DCHS1: variants seen among roughly 807,000 people sequenced by gnomAD.
DCHS1 encodes protocadherin-16.
Under a neutral mutation model 213.9 loss-of-function variants are expected in DCHS1, and 78 were observed. That is an observed-to-expected ratio of 0.36 (90% CI 0.30 to 0.44). The LOEUF (loss-of-function observed/expected upper bound fraction) is 0.44, where lower values mean the gene tolerates loss of function less well. DCHS1 is among the 20% of genes least tolerant of loss of function. The pLI, the probability that DCHS1 is intolerant of heterozygous loss-of-function variation, is 1.00. For missense variants in DCHS1, 3,946 were observed against 4,395.9 expected (o/e 0.90, Z 2.89); for synonymous variants, 1,828 against 1,873.7 (o/e 0.98, Z 0.63).
chr11:6,653,664 G>T (rs1424232795), intron 1 of DCHS1, among the ~76,000 whole-genome samples: 1 of 152,094 alleles, frequency 6.6e-6, no homozygotes, highest in African/African-American at 2.4e-5. Flanking sequence ...TTATAGAAGC[G>T]TCCCCTGGTG....
At position 6,640,049 on chromosome 11, in the gene DCHS1, G is replaced by A. The variant is rs1395801891; in HGVS notation, c.1565C>T (p.Ser522Phe). The A allele has an allele frequency of 2.5e-6, 4 of 1,613,902 alleles. No individual in the cohort carries two copies. The Admixed American group carries it at 6.7e-5, about 27-fold the overall frequency. The change falls in exon 2 of 21, where the codon TCC (serine) becomes TTC (phenylalanine). Residue 522 changes from serine to phenylalanine, a missense_variant. This residue lies in a region of DCHS1 where 3,384 missense variants were observed against 3,780.1 expected (regional missense o/e 0.90). Coordinates refer to ENST00000299441, the MANE Select transcript of DCHS1 (RefSeq NM_003737.4). The surrounding 1 kb of genome is among the most constrained non-coding windows in gnomAD (Gnocchi z 6.5). The stretch of plus-strand genomic sequence containing the variant: ...GATAATGCCTGAGGTGGGGTCAATG[G>A]AGAACCAGTGGGTGTGGGCGCCAGG... ...LAPGAHTHWFSIDPTSGIITT... is the reference protein window; with the variant it reads ...LAPGAHTHWFFIDPTSGIITT...
Position 6,623,048 on chromosome 11 carries a change from T to C in DCHS1, c.8628A>G (p.Ala2876=). 1 of 1,576,704 alleles carries C rather than the reference T, an allele frequency of 6.3e-7. No individual in the cohort carries two copies. The highest frequency in any genetic ancestry group is 8.6e-7 in the Non-Finnish European group (1 of 1,161,590). The change falls in exon 21 of 21, where the codon GCA becomes GCG. Residue 2876 remains alanine, a synonymous_variant. Transcript: ENST00000299441. ...CAGAGGTGGCTGTTCCGCTGCCTGG[T>C]GCCCGACTGTCCACCCGCAGGTACA... ...GALYLRVDSR[A]PGSGTATSGG... is the part of the protein sequence containing the mutation.
At position 6,633,800 on chromosome 11, in the gene DCHS1, T is replaced by G; in HGVS notation, c.2207A>C (p.Asp736Ala). 6.2e-7 allele frequency: 1 copy of G among 1,613,408 alleles called. No homozygotes were observed. Among genetic ancestry groups the G allele is most frequent in the Non-Finnish European group, 8.5e-7 (1 of 1,179,796 alleles). The change falls in exon 4 of 21, where the codon GAT (aspartate) becomes GCT (alanine). Residue 736 changes from aspartate to alanine, a missense_variant. Physicochemically the swap from Asp to Ala is moderately radical, Grantham distance 126. This residue lies in a region of DCHS1 where 3,384 missense variants were observed against 3,780.1 expected (regional missense o/e 0.90). Coordinates refer to ENST00000299441, the MANE Select transcript of DCHS1 (RefSeq NM_003737.4). ...AGNSPPLFTL[D>A]EQSGLLTVAW... ...GGGAGGATCCTCACCTGATTGCTCA[T>G]CCAAGGTAAAAAGTGGGGGGCTGTT... is the stretch of plus-strand genomic sequence containing the variant.
Position 6,641,581 on chromosome 11 carries a change from G to A in DCHS1, c.33C>T (p.Cys11=), listed in dbSNP as rs1462962438. 1.9e-6 allele frequency: 3 copies of A among 1,550,322 alleles called. No individual in the cohort carries two copies. The highest frequency in any genetic ancestry group is 2.6e-6 in the Non-Finnish European group (3 of 1,146,722). ...GGGGCCTGGGGCTCTTCATGCCAGG[G>A]CAGGAAGGCACAATGCCCAGCTCCT... MQKELGIVPS[C]PGMKSPRPHL... Residue 11 remains cysteine, a synonymous_variant, in exon 2 of 21, where the codon TGC becomes TGT. Coordinates refer to ENST00000299441, the MANE Select transcript of DCHS1 (RefSeq NM_003737.4). The surrounding 1 kb of genome is among the most constrained non-coding windows in gnomAD (Gnocchi z 7.1).
rs751175541 is a variant in DCHS1, at chr11:6,632,062, G to A, written c.3450C>T (p.Asp1150=). ...LTYSLQQLSE[D]SKAFRIHPQT... ...GGGGGTGGATGCGGAAGGCCTTGCT[G>A]TCTTCAGACAGCTGTTGCAGGCTGT... Residue 1150 remains aspartate, a synonymous_variant, in exon 6 of 21, where the codon GAC becomes GAT. Coordinates refer to ENST00000299441, the MANE Select transcript of DCHS1 (RefSeq NM_003737.4). This position sits in a 1 kb window ranked among gnomAD's most constrained non-coding sequence, Gnocchi z 5.9. The A allele has an allele frequency of 2.6e-6, 4 of 1,526,802 alleles. No homozygotes were observed. Among genetic ancestry groups the A allele is most frequent in the African/African-American group, 1.4e-5 (1 of 72,558 alleles). The allele number at this position is 1,526,802 out of a possible 1,614,324, so 94.6% of individuals were successfully genotyped here.
rs748550898 is a variant in DCHS1, at chr11:6,632,661, G to A, written c.2851C>T (p.Arg951Trp). 6.6e-5 allele frequency: 104 copies of A among 1,571,164 alleles called. No individual in the cohort carries two copies. Among genetic ancestry groups the A allele is most frequent in the South Asian group, 4.4e-4 (38 of 86,054 alleles). Residue 951 changes from arginine (R) to tryptophan (W), a missense_variant, in exon 6 of 21, where the codon CGG (arginine) becomes TGG (tryptophan). This residue lies in a region of DCHS1 where 3,384 missense variants were observed against 3,780.1 expected (regional missense o/e 0.90). Transcript: ENST00000299441. This position sits in a 1 kb window ranked among gnomAD's most constrained non-coding sequence, Gnocchi z 5.9. ...FTVDPTTGHV[R>W]LMRPLGPSGG... Reference sequence around the variant, plus strand: ...GAGGGCCCCAGAGGCCTCATAAGCCGTACATGGCCTGTGGTGGGGTCCACG... The same window carrying A: ...GAGGGCCCCAGAGGCCTCATAAGCCATACATGGCCTGTGGTGGGGTCCACG...
chr11:6,636,609 G>A (rs927058619), intron 2 of DCHS1, among the ~76,000 whole-genome samples: 2 of 152,088 alleles, frequency 1.3e-5, no homozygotes, highest in African/African-American at 2.4e-5. Flanking sequence ...CGAGTAGCTT[G>A]GATTACAGGG....
At position 6,640,734 on chromosome 11, in the gene DCHS1, T is replaced by C; in HGVS notation, c.880A>G (p.Ile294Val). 5 of 1,613,824 alleles carry C rather than the reference T, an allele frequency of 3.1e-6. No homozygotes were observed. The highest frequency in any genetic ancestry group is 1.1e-5 in the South Asian group (1 of 91,070). The change falls in exon 2 of 21, where the codon ATC becomes GTC. Residue 294 changes from isoleucine (I) to valine (V), a missense_variant. Around this residue, in one of 3 missense-constraint regions of DCHS1, gnomAD observed 3,384 missense variants for 3,780.1 expected, o/e 0.90. Coordinates refer to ENST00000299441, the MANE Select transcript of DCHS1 (RefSeq NM_003737.4). This position sits in a 1 kb window ranked among gnomAD's most constrained non-coding sequence, Gnocchi z 6.5. ...AGVNGAVTYE[I>V]NRRQSEGDGP... ...TCACCCTCGCTCTGCCTCCGGTTGA[T>C]CTCGTAAGTCACAGCCCCATTGACA...
rs1011432227 is a variant in DCHS1, at chr11:6,622,102, G to A, written c.9574C>T (p.Pro3192Ser). 1 of 1,613,160 alleles carries A rather than the reference G, an allele frequency of 6.2e-7. No individual in the cohort carries two copies. Among genetic ancestry groups the A allele is most frequent in the Non-Finnish European group, 8.5e-7 (1 of 1,179,832 alleles). Residue 3192 changes from proline to serine, a missense_variant, in exon 21 of 21, where the codon CCA becomes TCA. This residue lies in a region of DCHS1 where 554 missense variants were observed against 590.2 expected (regional missense o/e 0.94). Coordinates refer to ENST00000299441, the MANE Select transcript of DCHS1 (RefSeq NM_003737.4). The surrounding 1 kb of genome is among the most constrained non-coding windows in gnomAD (Gnocchi z 5.4). ...TCGATACGGGGAGCTGGGGGACATGGCCGAGCTTCATCCTTGAGCCGAGCG... is the reference window on the plus strand; with the variant it reads ...TCGATACGGGGAGCTGGGGGACATGACCGAGCTTCATCCTTGAGCCGAGCG... ...EIARLKDEAR[P>S]CPPAPRIDPP...
At position 6,631,838 on chromosome 11, in the gene DCHS1, G is replaced by A. The variant is rs369754083; in HGVS notation, c.3482-29C>T. The A allele has an allele frequency of 8.0e-6, 12 of 1,506,144 alleles. No homozygotes were observed. In the South Asian group the frequency reaches 1.1e-4, roughly 14 times the overall value. The allele number at this position is 1,506,144 out of a possible 1,614,324, so 93.3% of individuals were successfully genotyped here. ...GGAGTGCAAGAAGGCGATCATGTAC[G>A]AGATGTTTAAGGATGCAGAGCCTGA... On this transcript the variant is annotated intron_variant, in intron 6 of 20. Transcript: ENST00000299441.
chr11:6,639,865 G>A lies in DCHS1; in HGVS notation c.1749C>T (p.Tyr583=). The change falls in exon 2 of 21, where the codon TAC becomes TAT. Residue 583 remains tyrosine (Y), a synonymous_variant. Transcript: ENST00000299441. ...DNEPQFQRTF[Y]NASLPEGTQP... ...GGGTGCCCTCAGGCAGTGAGGCATT[G>A]TAGAAAGTCCTCTGGAATTGGGGCT... 6.2e-7 allele frequency: 1 copy of A among 1,612,732 alleles called. No individual in the cohort carries two copies. Among genetic ancestry groups the A allele is most frequent in the South Asian group, 1.1e-5 (1 of 90,926 alleles).
intron 1 of DCHS1, among the ~76,000 whole-genome samples, chr11:6,653,233 T>G (rs1434996492): frequency 1.3e-5 from 2 of 152,202 alleles, no homozygotes; most frequent in South Asian, 2.1e-4. Flanking sequence ...ACTATTTTCC[T>G]TCATGTGGGC....
rs1319241298 is a variant in DCHS1, at chr11:6,632,950, C to T, written c.2562G>A (p.Arg854=). The T allele has an allele frequency of 6.2e-7, 1 of 1,613,924 alleles. No individual in the cohort carries two copies. ...GLLQTLRPLD[R]ELLGPVLELE... ...GCTCCAACACTGGTCCCAGTAGCTC[C>T]CGGTCCAGAGGGCGAAGTGTTTGCA... The change falls in exon 6 of 21, where the codon CGG becomes CGA. Residue 854 remains arginine, a synonymous_variant. Coordinates refer to ENST00000299441, the MANE Select transcript of DCHS1 (RefSeq NM_003737.4). This position sits in a 1 kb window ranked among gnomAD's most constrained non-coding sequence, Gnocchi z 5.9.
Position 6,623,415 on chromosome 11 carries a change from C to A in DCHS1, c.8261G>T (p.Gly2754Val), listed in dbSNP as rs951256878. The A allele has an allele frequency of 1.3e-6, 2 of 1,590,726 alleles. No individual in the cohort carries two copies. Among genetic ancestry groups the A allele is most frequent in the Non-Finnish European group, 1.7e-6 (2 of 1,168,670 alleles). The part of the protein sequence containing the change: ...SLLEAGPGPE[G>V]REAFALNSST... ...GCTGTTCAGTGCAAATGCCTCACGG[C>A]CCTCAGGTCCTGGCCCAGCCTCCAA... The change falls in exon 21 of 21, where the codon GGC becomes GTC. Residue 2754 changes from glycine (G) to valine (V), a missense_variant. By Grantham distance (109) the Gly-to-Val change is moderately radical. This residue lies in a region of DCHS1 where 3,384 missense variants were observed against 3,780.1 expected (regional missense o/e 0.90). Coordinates refer to ENST00000299441, the MANE Select transcript of DCHS1 (RefSeq NM_003737.4).
chr11:6,622,412 G>A lies in DCHS1; in HGVS notation c.9264C>T (p.Thr3088=), dbSNP rs1472097136. Reference sequence around the variant, plus strand: ...GCCCTGCCTTTCGGCCCTTATACCAGGTGTCAGGGGCAGGTGGTTCGCAGG... The same window carrying A: ...GCCCTGCCTTTCGGCCCTTATACCAAGTGTCAGGGGCAGGTGGTTCGCAGG... ...DTSCEPPAPD[T]WYKGRKAGLL... Residue 3088 remains threonine (T), a synonymous_variant, in exon 21 of 21, where the codon ACC becomes ACT. Coordinates refer to ENST00000299441, the MANE Select transcript of DCHS1 (RefSeq NM_003737.4). The surrounding 1 kb of genome is among the most constrained non-coding windows in gnomAD (Gnocchi z 5.4). The A allele has an allele frequency of 6.4e-7, 1 of 1,555,876 alleles. No individual in the cohort carries two copies. The highest frequency in any genetic ancestry group is 8.7e-7 in the Non-Finnish European group (1 of 1,148,692).
rs778835963 is a variant in DCHS1 at position 6,632,793 on chromosome 11, T to C, written c.2719A>G (p.Thr907Ala). The C allele has an allele frequency of 6.2e-7, 1 of 1,613,780 alleles. No homozygotes were observed. Among genetic ancestry groups the C allele is most frequent in the Non-Finnish European group, 8.5e-7 (1 of 1,179,804 alleles). Residue 907 changes from threonine to alanine, a missense_variant, in exon 6 of 21, where the codon ACT (threonine) becomes GCT (alanine). Thr to Ala is a moderately conservative substitution (Grantham distance 58). Transcript: ENST00000299441. This position sits in a 1 kb window ranked among gnomAD's most constrained non-coding sequence, Gnocchi z 5.9. Reference sequence around the variant, plus strand: ...GTATAGATGGGAGTCCCTGGGGCAGTGTTTGGTGGTAGCAATACCGTGTCT... The same window carrying C: ...GTATAGATGGGAGTCCCTGGGGCAGCGTTTGGTGGTAGCAATACCGTGTCT... ...PEDTVLLPPN[T>A]APGTPIYTLR...
chr11:6,627,340 C>T lies in DCHS1; in HGVS notation c.5699G>A (p.Gly1900Glu). 1 of 1,609,014 alleles carries T rather than the reference C, an allele frequency of 6.2e-7. No homozygotes were observed. The highest frequency in any genetic ancestry group is 1.1e-5 in the South Asian group (1 of 90,450). The change falls in exon 14 of 21, where the codon GGA (glycine) becomes GAA (glutamate). Residue 1900 changes from glycine (G) to glutamate (E), a missense_variant. This residue lies in a region of DCHS1 where 3,384 missense variants were observed against 3,780.1 expected (regional missense o/e 0.90). Transcript: ENST00000299441. The surrounding 1 kb of genome is among the most constrained non-coding windows in gnomAD (Gnocchi z 5.4). ...AGAGCTGGGCTCCAGCAGGAAGGCT[C>T]CTGCTGTACCGGCGCCCAGGTAGTA... The part of the protein sequence containing the change: ...VTYYLGAGTA[G>E]AFLLEPSSGE...
At chr11:6,638,030 C>T (rs1357557952) in intron 2 of DCHS1, among the ~76,000 whole-genome samples, 1 of 152,116 alleles carries the variant, frequency 6.6e-6, no homozygotes, top group African/African-American at 2.4e-5. Flanking sequence ...TTGCTTCAGG[C>T]ACTAGTGAGG....
At position 6,627,226 on chromosome 11, in the gene DCHS1, C is replaced by A. The variant is rs763416114; in HGVS notation, c.5813G>T (p.Gly1938Val). 6.2e-7 allele frequency: 1 copy of A among 1,613,128 alleles called. No homozygotes were observed. The highest frequency in any genetic ancestry group is 8.5e-7 in the Non-Finnish European group (1 of 1,179,842). Residue 1938 changes from glycine (G) to valine (V), a missense_variant, in exon 14 of 21, where the codon GGG becomes GTG. Gly to Val is a moderately radical substitution (Grantham distance 109, BLOSUM62 -3). Around this residue, in one of 3 missense-constraint regions of DCHS1, gnomAD observed 3,384 missense variants for 3,780.1 expected, o/e 0.90. Coordinates refer to ENST00000299441, the MANE Select transcript of DCHS1 (RefSeq NM_003737.4). The surrounding 1 kb of genome is among the most constrained non-coding windows in gnomAD (Gnocchi z 5.4). ...GACAGACACTGTGGTGCTTAGGGGC[C>A]CAGCAGCTGCACCATCCACTGCACT... ...SVSAVDGAAA[G>V]PLSTTVSVTI...
Sources: gnomAD v4.1 joint callset for allele counts (sites outside exome capture counted in the v4.1 genomes callset) on GRCh38, gnomAD v4.1.1 for gene constraint, gnomAD v4.1.1 regional missense constraint, Gnocchi (gnomAD v3.1) non-coding constraint, MANE v1.5 for transcripts, NCBI Gene and HGNC (gene_info 2026-07-23, HGNC 2026-07-21) for gene names.